Variants in MTX2 observed in about 807,000 individuals in gnomAD.
The protein encoded by MTX2 is metaxin 2, also known as metaxin-2.
A neutral mutation model predicts 42.3 loss-of-function variants in MTX2; 35 were observed. That is an observed-to-expected ratio of 0.83 (90% confidence interval 0.63 to 1.10). The LOEUF (loss-of-function observed/expected upper bound fraction) is 1.10, where lower values mean the gene tolerates loss of function less well. MTX2 is among the 50% of genes least tolerant of loss of function. MTX2 has a pLI of 0.00. For missense variants in MTX2, 307 were observed against 304.1 expected (o/e 1.01, Z -0.07); for synonymous variants, 119 against 100.9 (o/e 1.18, Z -1.08).
intron 5 of MTX2, 43 bp from the exon 6 acceptor site, chr2:176,328,249 TA>T: frequency 7.8e-7 from 1 of 1,279,882 alleles, no homozygotes; most frequent in Admixed American, 2.5e-5. Flanking sequence ...AGTTTTTGTA[TA>T]TTTAATATGA....
chr2:176,327,155 C>A (rs1575060780), intron 5 of MTX2, among the ~76,000 whole-genome samples: 1 of 151,124 alleles, frequency 6.6e-6, no homozygotes, highest in African/African-American at 2.4e-5. Context: ...ATGGTTTGAT[C>A]TTTACAAAAT....
At chr2:176,297,828 T>C (rs763921985) in intron 2 of MTX2, 21 bp from the exon 3 acceptor site, 1 of 1,514,608 alleles carries the variant, frequency 6.6e-7, no homozygotes, top group Admixed American at 1.8e-5. Flanking sequence ...TTAACATTTA[T>C]GCTTCATTGT....
At chr2:176,309,512 A>G (rs1383333841) in intron 3 of MTX2, among the ~76,000 whole-genome samples, 2 of 151,978 alleles carry the variant, frequency 1.3e-5, no homozygotes, top group African/African-American at 4.8e-5. Context: ...TCCCATTATT[A>G]TTGTGTGGGA....
chr2:176,286,768 C>T (rs941096660), intron 1 of MTX2, among the ~76,000 whole-genome samples: 29 of 152,060 alleles, frequency 1.9e-4, no homozygotes, highest in Admixed American at 2.0e-4. Flanking sequence ...AGGCTGGTCT[C>T]GAACTCCTGA....
In MTX2 at chr2:176,330,523, G is replaced by T. The variant is rs569577162; in HGVS notation, c.544-61G>T. The T allele has an allele frequency of 4.9e-6, 6 of 1,213,334 alleles. No individual in the cohort carries two copies. The South Asian group carries it at 1.0e-4, about 21-fold the overall frequency. The allele number at this position is 1,213,334 out of a possible 1,614,324, so 75.2% of individuals were successfully genotyped here. A position where few individuals can be genotyped will look rare whatever the true frequency, so the allele number is the denominator to read the frequency against. The stretch of plus-strand genomic sequence containing the variant: ...AAACTGTGATACAAGTTACGTTTTA[G>T]ATACTTTTTATTGTTTTGCTAATTG... On this transcript the variant is annotated intron_variant, in intron 8 of 9. Transcript: ENST00000249442.
chr2:176,282,706 TTTTG>T (rs1448097291), intron 1 of MTX2, among the ~76,000 whole-genome samples: 1 of 150,362 alleles, frequency 6.7e-6, no homozygotes, highest in Non-Finnish European at 1.5e-5. Flanking sequence ...ACTTTTTTTT[TTTTG>T]TTTTTTTTTT....
At position 176,315,208 on chromosome 2, in the gene MTX2, A is replaced by G. The variant is rs778863030; in HGVS notation, c.136-8184A>G. ...TCGTCAGAAGTCTATCCAAAAAGTGATAATTAGAGACAACAATCTAAAGAC... is the reference window on the plus strand; with the variant it reads ...TCGTCAGAAGTCTATCCAAAAAGTGGTAATTAGAGACAACAATCTAAAGAC... On this transcript the variant is annotated intron_variant, in intron 3 of 9. Transcript: ENST00000249442. Among the ~76,000 whole-genome samples, 46 of 152,298 alleles carry G rather than the reference A, an allele frequency of 3.0e-4. 1 individual carries two copies. The highest frequency in any genetic ancestry group is 6.8e-3 in the Middle Eastern group (2 of 294).
chr2:176,270,285 C>G (rs761781065), intron 1 of MTX2: 3 of 1,224,418 alleles, frequency 2.5e-6, no homozygotes, highest in African/African-American at 1.6e-5. Flanking sequence ...ATTCTCCTGC[C>G]TTAGCCTCCC....
chr2:176,296,865 G>A lies in MTX2; in HGVS notation c.46G>A (p.Glu16Lys). 6.2e-7 allele frequency: 1 copy of A among 1,613,478 alleles called. No homozygotes were observed. The highest frequency in any genetic ancestry group is 8.5e-7 in the Non-Finnish European group (1 of 1,179,654). ...EAFVSQIAAA[E>K]PWPENATLYQ... ...TCACTGCCTTGTTTCCATAGCTGCA[G>A]AACCTTGGCCTGAAAATGCTACATT... The change falls in exon 2 of 10, where the codon GAA becomes AAA. Residue 16 changes from glutamate to lysine, a missense_variant. Coordinates refer to ENST00000249442, the MANE Select transcript of MTX2 (RefSeq NM_006554.5).
At chr2:176,283,744 T>C (rs1185408681) in intron 1 of MTX2, among the ~76,000 whole-genome samples, 1 of 152,236 alleles carries the variant, frequency 6.6e-6, no homozygotes, top group Non-Finnish European at 1.5e-5. Context: ...GAAGGATATT[T>C]GTTTTCTGTC....
chr2:176,290,981 T>C (rs984431567), intron 1 of MTX2, among the ~76,000 whole-genome samples: 2 of 152,158 alleles, frequency 1.3e-5, no homozygotes, highest in Non-Finnish European at 2.9e-5. Flanking sequence ...ACAGTCTCAC[T>C]CTTCCCCTTT....
chr2:176,336,435 T>A (rs969576529), intron 9 of MTX2, among the ~76,000 whole-genome samples: 8 of 152,236 alleles, frequency 5.3e-5, no homozygotes, highest in South Asian at 2.1e-4. Flanking sequence ...TTGGGTATCA[T>A]TTTTTTGGTC....
Position 176,295,692 on chromosome 2 carries a change from T to C in MTX2, c.41-1168T>C, listed in dbSNP as rs181319890. 5.8e-3 allele frequency among the ~76,000 whole-genome samples: 878 copies of C among 152,288 alleles called. 4 individuals carry two copies. Among genetic ancestry groups the C allele is most frequent in the African/African-American group, 0.02 (827 of 41,568 alleles). On this transcript the variant is annotated intron_variant, in intron 1 of 9. Coordinates refer to ENST00000249442, the MANE Select transcript of MTX2 (RefSeq NM_006554.5). ...ATTGTAATAATACTGTGTTTTTCTT[T>C]TTATTCTAAAGCATAAGTAAAAGCA... is the stretch of plus-strand genomic sequence containing the variant.
At chr2:176,298,939 G>C (rs1683958055) in intron 3 of MTX2, among the ~76,000 whole-genome samples, 1 of 152,060 alleles carries the variant, frequency 6.6e-6, no homozygotes, top group Non-Finnish European at 1.5e-5. Flanking sequence ...TGTGGTTTCA[G>C]TAGGTTTACT....
intron 3 of MTX2, among the ~76,000 whole-genome samples, chr2:176,312,651 G>A (rs557141984): frequency 6.6e-6 from 1 of 152,038 alleles, no homozygotes; most frequent in African/African-American, 2.4e-5. Context: ...ATCACCTGAG[G>A]TCAGGAGTTT....
chr2:176,273,858 T>C (rs879391643), intron 1 of MTX2, among the ~76,000 whole-genome samples: 1 of 152,078 alleles, frequency 6.6e-6, no homozygotes, highest in Non-Finnish European at 1.5e-5. Flanking sequence ...GTAGAGTCCA[T>C]ACACTGCAAG....
intron 1 of MTX2, among the ~76,000 whole-genome samples, chr2:176,292,601 C>G (rs922094926): frequency 6.6e-6 from 1 of 152,028 alleles, no homozygotes; most frequent in African/African-American, 2.4e-5. Flanking sequence ...TTTCATGATT[C>G]ATAGATTTAC....
chr2:176,303,867 C>G (rs1343966434), intron 3 of MTX2, among the ~76,000 whole-genome samples: 3 of 151,834 alleles, frequency 2.0e-5, no homozygotes, highest in Non-Finnish European at 4.4e-5. Flanking sequence ...TTTAACTTAA[C>G]GAAAATTCAC....
chr2:176,316,878 A>G (rs1404552771), intron 3 of MTX2, among the ~76,000 whole-genome samples: 22 of 152,040 alleles, frequency 1.4e-4, no homozygotes. Flanking sequence ...ATATGTTCAT[A>G]TTATGTATTT....
Sources: allele counts gnomAD v4.1 joint callset (sites outside exome capture counted in the v4.1 genomes callset), GRCh38; gene constraint gnomAD v4.1.1; transcripts MANE v1.5; gene names NCBI Gene and HGNC (gene_info 2026-07-23, HGNC 2026-07-21).